KCNIP4: variants seen among roughly 807,000 people sequenced by gnomAD.
KCNIP4 encodes potassium voltage-gated channel interacting protein 4.
A neutral mutation model predicts 34.0 loss-of-function variants in KCNIP4; 12 were observed. That is an observed-to-expected ratio of 0.35 (90% CI 0.23 to 0.57). The LOEUF is 0.57. KCNIP4 is among the 20% of genes least tolerant of loss of function. The pLI is 0.83. For missense variants in KCNIP4, 238 were observed against 311.7 expected (o/e 0.76, Z 1.78); for synonymous variants, 124 against 102.2 (o/e 1.21, Z -1.29).
intron 1 of KCNIP4, among the ~76,000 whole-genome samples, chr4:21,890,514 A>G: frequency 6.6e-6 from 1 of 152,056 alleles, no homozygotes; most frequent in Non-Finnish European, 1.5e-5. Flanking sequence ...AAGGGACCAG[A>G]AAATATCCCC....
chr4:21,234,100 C>T (rs1237470283), intron 1 of KCNIP4, among the ~76,000 whole-genome samples: 5 of 103,710 alleles, frequency 4.8e-5, no homozygotes, highest in Non-Finnish European at 8.6e-5. Context: ...TTATATATAA[C>T]ATATATAACG....
chr4:20,939,024 A>G (rs890177616), intron 1 of KCNIP4, among the ~76,000 whole-genome samples: 1 of 152,128 alleles, frequency 6.6e-6, no homozygotes, highest in East Asian at 1.9e-4. Flanking sequence ...ATGATCACCT[A>G]ATTTTCAAAT....
intron 3 of KCNIP4, among the ~76,000 whole-genome samples, chr4:20,775,897 G>A (rs1370924198): frequency 6.6e-6 from 1 of 152,078 alleles, no homozygotes; most frequent in Non-Finnish European, 1.5e-5. Flanking sequence ...ACCCCACATG[G>A]CTATGTTTAC....
intron 1 of KCNIP4, among the ~76,000 whole-genome samples, chr4:21,895,350 T>C (rs17570140): frequency 0.15 from 22,444 of 152,084 alleles, 2,032 homozygotes; most frequent in Non-Finnish European, 0.2. Context: ...ACTTGAAATA[T>C]AGAGTTAAGG....
At chr4:21,349,005 G>T (rs1717740402) in intron 1 of KCNIP4, among the ~76,000 whole-genome samples, 1 of 152,136 alleles carries the variant, frequency 6.6e-6, no homozygotes, top group Non-Finnish European at 1.5e-5. Context: ...CTTTGTGGTG[G>T]GAATAAACGA....
intron 1 of KCNIP4, among the ~76,000 whole-genome samples, chr4:20,941,081 T>C (rs1731590042): frequency 1.3e-5 from 2 of 152,178 alleles, no homozygotes; most frequent in South Asian, 4.1e-4. Flanking sequence ...CACAATAATT[T>C]GAATTCCCCT....
At chr4:21,714,806 T>G (rs13152122) in intron 1 of KCNIP4, among the ~76,000 whole-genome samples, 35 of 1,368 alleles carry the variant, frequency 0.026, 2 homozygotes, top group South Asian at 0.042. Context: ...TTTATTTTAT[T>G]TTATTTTATT....
rs555143368 is a variant in KCNIP4 at position 21,254,167 on chromosome 4, C to G, written c.62-371458G>C. Among the ~76,000 whole-genome samples, 51 of 152,290 alleles carry G rather than the reference C, an allele frequency of 3.3e-4. No homozygotes were observed. The South Asian group carries it at 0.01, about 30-fold the overall frequency. On this transcript the variant is annotated intron_variant, in intron 1 of 8. Transcript: ENST00000382152. ...CATTGTAAATGTATATATATGCATA[C>G]ATGCATACATTCAGACATAGATTTC...
chr4:21,053,482 T>A (rs528448502), intron 1 of KCNIP4, among the ~76,000 whole-genome samples: 1 of 152,210 alleles, frequency 6.6e-6, no homozygotes, highest in Admixed American at 6.5e-5. Flanking sequence ...TCTCTCCACT[T>A]CTTTTCAACA....
At chr4:20,957,357 T>C (rs142904702) in intron 1 of KCNIP4, among the ~76,000 whole-genome samples, 547 of 152,338 alleles carry the variant, frequency 3.6e-3, no homozygotes, top group Non-Finnish European at 6.2e-3. Flanking sequence ...AGACACACTA[T>C]ACTCATTATC....
chr4:21,459,195 T>G (rs1729233425), intron 1 of KCNIP4, among the ~76,000 whole-genome samples: 1 of 152,080 alleles, frequency 6.6e-6, no homozygotes, highest in South Asian at 2.1e-4. Flanking sequence ...CATGATTCAA[T>G]CTGGCTTTCA....
At chr4:21,430,815 C>T (rs1438551726) in intron 1 of KCNIP4, among the ~76,000 whole-genome samples, 5 of 151,988 alleles carry the variant, frequency 3.3e-5, no homozygotes, top group Admixed American at 6.6e-5. Context: ...AGATGGTAAA[C>T]TCAGCTCTTT....
intron 1 of KCNIP4, among the ~76,000 whole-genome samples, chr4:21,813,595 T>C (rs942993500): frequency 6.6e-6 from 1 of 151,856 alleles, no homozygotes; most frequent in African/African-American, 2.4e-5. Flanking sequence ...TACAAAACCA[T>C]AAAGAAACAT....
At chr4:21,634,346 T>C (rs114038172) in intron 1 of KCNIP4, among the ~76,000 whole-genome samples, 136 of 152,040 alleles carry the variant, frequency 8.9e-4, no homozygotes, top group African/African-American at 3.2e-3. Flanking sequence ...GTAGATGGCA[T>C]GGCTTTTTTT....
chr4:21,741,344 G>C (rs898798554), intron 1 of KCNIP4, among the ~76,000 whole-genome samples: 2 of 152,130 alleles, frequency 1.3e-5, no homozygotes. Flanking sequence ...TAGCACCGTG[G>C]AAACAACTAA....
intron 1 of KCNIP4, among the ~76,000 whole-genome samples, chr4:21,542,660 G>T (rs898848504): frequency 5.3e-5 from 8 of 150,820 alleles, no homozygotes; most frequent in African/African-American, 1.9e-4. Context: ...GAATTACGTT[G>T]CATGAAGAAG....
chr4:21,231,055 C>A (rs1450056157), intron 1 of KCNIP4, among the ~76,000 whole-genome samples: 1 of 152,116 alleles, frequency 6.6e-6, no homozygotes, highest in East Asian at 1.9e-4. Context: ...TTTGTTACAG[C>A]AGTCCTAGGA....
At chr4:21,633,080 C>T (rs60374643) in intron 1 of KCNIP4, among the ~76,000 whole-genome samples, 44,915 of 151,992 alleles carry the variant, frequency 0.3, 7,171 homozygotes, top group East Asian at 0.62. Context: ...AAATTTATAC[C>T]TATCTACTCT....
intron 1 of KCNIP4, among the ~76,000 whole-genome samples, chr4:20,914,620 AT>A (rs1728633619): frequency 1.3e-5 from 2 of 152,268 alleles, no homozygotes; most frequent in South Asian, 4.1e-4. Flanking sequence ...TCTCTCCAGC[AT>A]TGTACCCTAC....
Sources: allele counts gnomAD v4.1 joint callset (sites outside exome capture counted in the v4.1 genomes callset), GRCh38; gene constraint gnomAD v4.1.1; transcripts MANE v1.5; gene names NCBI Gene and HGNC (gene_info 2026-07-23, HGNC 2026-07-21).